PLPPR1: variants seen among roughly 807,000 people sequenced by gnomAD.
The protein encoded by PLPPR1 is phospholipid phosphatase related 1.
Under a neutral mutation model 33.1 loss-of-function variants are expected in PLPPR1, and 10 were observed. That is an observed-to-expected ratio of 0.30 (90% CI 0.19 to 0.51). PLPPR1 has a LOEUF of 0.51. Among genes scored for constraint, PLPPR1 ranks in the 20% least tolerant of loss-of-function variants. The probability of loss-of-function intolerance (pLI) is 0.97; values close to 1 mark genes in which losing one functional copy is unlikely to be tolerated. For synonymous variants in PLPPR1, 151 were observed against 151.0 expected, an observed-to-expected ratio of 1.00 and a Z score of 0.00; for missense variants, 304 against 408.1, an observed-to-expected ratio of 0.74 and a Z score of 2.20.
intron 1 of PLPPR1, among the ~76,000 whole-genome samples, chr9:101,122,349 A>G (rs1831189169): frequency 6.6e-6 from 1 of 152,116 alleles, no homozygotes; most frequent in Non-Finnish European, 1.5e-5. Context: ...GTTGGTTTTA[A>G]TAATATTACC....
At position 101,237,926 on chromosome 9, in the gene PLPPR1, C is replaced by CTATATA. The variant is rs34987720; in HGVS notation, c.64-31944_64-31939dup. Among the ~76,000 whole-genome samples, 224 of 102,228 alleles carry CTATATA rather than the reference C, an allele frequency of 2.2e-3. 2 individuals are homozygous for CTATATA. Among genetic ancestry groups the CTATATA allele is most frequent in the Non-Finnish European group, 3.3e-3 (175 of 52,448 alleles). 67.1% of individuals were successfully genotyped at this position (102,228 alleles called of 152,430 possible). On this transcript the variant is annotated intron_variant, in intron 2 of 7. Transcript: ENST00000374874. ...ATTTAAGGCTATTTGGAGAATAAGC[C>CTATATA]TATATATATATATATGCTATATATA...
rs546709713 is a variant in PLPPR1, at chr9:101,298,260, C to T, written c.386-10951C>T. ...GGGTCACACAGTTGATCCATTATTA[C>T]TTCTAATAAAAATTTAATTAAATAC... is the stretch of plus-strand genomic sequence containing the variant. On this transcript the variant is annotated intron_variant, in intron 4 of 7. Transcript: ENST00000374874. 1.5e-4 allele frequency among the ~76,000 whole-genome samples: 23 copies of T among 152,258 alleles called. No individual in the cohort carries two copies. The South Asian group carries it at 4.6e-3, about 30-fold the overall frequency.
chr9:101,146,728 C>A (rs1831525805), intron 1 of PLPPR1, among the ~76,000 whole-genome samples: 1 of 152,308 alleles, frequency 6.6e-6, no homozygotes, highest in East Asian at 1.9e-4. Context: ...CCAGCCAGGA[C>A]ACAGTACATT....
chr9:101,111,932 C>T (rs1831062165), intron 1 of PLPPR1, among the ~76,000 whole-genome samples: 2 of 152,042 alleles, frequency 1.3e-5, no homozygotes, highest in Admixed American at 1.3e-4. Flanking sequence ...GCTCAAATAC[C>T]AATGTTTTTA....
chr9:101,147,017 AGTC>A (rs1242001677), intron 1 of PLPPR1, among the ~76,000 whole-genome samples: 2 of 152,166 alleles, frequency 1.3e-5, no homozygotes, highest in African/African-American at 4.8e-5. Flanking sequence ...AAAACAGTGG[AGTC>A]ACGGCTCAGC....
chr9:101,048,019 C>T (rs1470645797), intron 1 of PLPPR1, among the ~76,000 whole-genome samples: 1 of 152,148 alleles, frequency 6.6e-6, no homozygotes, highest in East Asian at 1.9e-4. Context: ...AGGTGGACCC[C>T]AGCCTAGTAT....
At chr9:101,071,401 T>C (rs146447540) in intron 1 of PLPPR1, among the ~76,000 whole-genome samples, 78 of 152,298 alleles carry the variant, frequency 5.1e-4, no homozygotes, top group African/African-American at 1.6e-3. Flanking sequence ...AGATTTCACA[T>C]TCATTAAACA....
chr9:101,159,745 A>T (rs1831749049), intron 1 of PLPPR1, among the ~76,000 whole-genome samples: 1 of 152,224 alleles, frequency 6.6e-6, no homozygotes, highest in African/African-American at 2.4e-5. Context: ...TCCACAAATG[A>T]GCGCAAAGGG....
chr9:101,120,519 TG>T (rs1286587733), intron 1 of PLPPR1, among the ~76,000 whole-genome samples: 6 of 152,246 alleles, frequency 3.9e-5, no homozygotes, highest in Non-Finnish European at 5.9e-5. Flanking sequence ...GACTTATCCT[TG>T]CCTTTCTGTT....
intron 2 of PLPPR1, among the ~76,000 whole-genome samples, chr9:101,200,243 C>T (rs961701896): frequency 6.6e-6 from 1 of 152,166 alleles, no homozygotes; most frequent in African/African-American, 2.4e-5. Context: ...GATATAGTCT[C>T]TGAGAGGGTA....
At chr9:101,034,984 C>T (rs1459766003) in intron 1 of PLPPR1, among the ~76,000 whole-genome samples, 2 of 152,112 alleles carry the variant, frequency 1.3e-5, no homozygotes, top group Non-Finnish European at 2.9e-5. Flanking sequence ...GCCTAGTTGC[C>T]CACTTCTCAC....
At chr9:101,066,867 G>C (rs979964302) in intron 1 of PLPPR1, among the ~76,000 whole-genome samples, 1 of 151,974 alleles carries the variant, frequency 6.6e-6, no homozygotes, top group African/African-American at 2.4e-5. Flanking sequence ...TGTGCTTGTT[G>C]CTCCTGGGGT....
At chr9:101,288,816 A>G (rs1188803459) in intron 4 of PLPPR1, among the ~76,000 whole-genome samples, 1 of 152,244 alleles carries the variant, frequency 6.6e-6, no homozygotes, top group Non-Finnish European at 1.5e-5. Flanking sequence ...CCACTGGTTT[A>G]GGTTATTAAA....
chr9:101,238,394 T>G (rs1396751149), intron 2 of PLPPR1, among the ~76,000 whole-genome samples: 2 of 145,290 alleles, frequency 1.4e-5, no homozygotes, highest in Non-Finnish European at 3.0e-5. Flanking sequence ...ATATATATGA[T>G]GGAATTGTGT....
At chr9:101,320,809 T>C (rs959467998) in intron 7 of PLPPR1, among the ~76,000 whole-genome samples, 4 of 152,190 alleles carry the variant, frequency 2.6e-5, no homozygotes, top group Admixed American at 6.5e-5. Context: ...ATTTTATAGA[T>C]GAAGAAAGTA....
At position 101,063,359 on chromosome 9, in the gene PLPPR1, A is replaced by G. The variant is rs552675432; in HGVS notation, c.-46+34257A>G. Among the ~76,000 whole-genome samples, 57 of 152,066 alleles carry G rather than the reference A, an allele frequency of 3.7e-4. 1 individual carries two copies. The highest frequency in any genetic ancestry group is 5.9e-4 in the Non-Finnish European group (40 of 67,998). On this transcript the variant is annotated intron_variant, in intron 1 of 7. Coordinates refer to ENST00000374874, the MANE Select transcript of PLPPR1 (RefSeq NM_207299.2). ...AGTTTCACAGATCCTTTATGTGTCA[A>G]TCAGTGTCCAGCTGGCGCTTAAGCA...
intron 2 of PLPPR1, among the ~76,000 whole-genome samples, chr9:101,213,466 C>T (rs1366495070): frequency 6.6e-6 from 1 of 152,090 alleles, no homozygotes; most frequent in Non-Finnish European, 1.5e-5. Context: ...AGTGCAGAAG[C>T]ATATAAAATT....
At chr9:101,148,742 G>T (rs1489401663) in intron 1 of PLPPR1, among the ~76,000 whole-genome samples, 1 of 152,028 alleles carries the variant, frequency 6.6e-6, no homozygotes, top group Non-Finnish European at 1.5e-5. Context: ...GGCTTTTGAA[G>T]CCCTCCACCC....
In PLPPR1 at chr9:101,034,618, A is replaced by G. The variant is rs187210382; in HGVS notation, c.-46+5516A>G. Among the ~76,000 whole-genome samples, 3 of 152,270 alleles carry G rather than the reference A, an allele frequency of 2.0e-5. No homozygotes were observed. The East Asian group carries it at 5.8e-4, about 29-fold the overall frequency. ...CACAGTTTACTTCTCTGTGCTTTCAATTACTCCTGCTTTTAAGATGGATCC... is the reference window on the plus strand; with the variant it reads ...CACAGTTTACTTCTCTGTGCTTTCAGTTACTCCTGCTTTTAAGATGGATCC... On this transcript the variant is annotated intron_variant, in intron 1 of 7. Transcript: ENST00000374874.
Sources: allele counts gnomAD v4.1 joint callset (sites outside exome capture counted in the v4.1 genomes callset), GRCh38; gene constraint gnomAD v4.1.1; transcripts MANE v1.5; gene names NCBI Gene and HGNC (gene_info 2026-07-23, HGNC 2026-07-21).